The following PLCB1 variants were observed in gnomAD, a reference collection of about 807,000 sequenced individuals.
The protein encoded by PLCB1 is phospholipase C beta 1.
In PLCB1, 46 loss-of-function variants were observed where a neutral mutation model predicts 161.8. That is an observed-to-expected ratio of 0.28 (90% confidence interval 0.22 to 0.36). The LOEUF is 0.36. Ranked by LOEUF, PLCB1 falls within the 10% of genes least tolerant of loss-of-function variation. The probability of loss-of-function intolerance (pLI) is 1.00; values close to 1 mark genes in which losing one functional copy is unlikely to be tolerated. For synonymous variants in PLCB1, 517 were observed against 503.7 expected, an observed-to-expected ratio of 1.03 and a Z score of -0.35; for missense variants, 1,016 against 1,472.5, an observed-to-expected ratio of 0.69 and a Z score of 5.07.
chr20:8,720,871 T>G (rs1979591881), intron 14 of PLCB1, among the ~76,000 whole-genome samples: 1 of 149,980 alleles, frequency 6.7e-6, no homozygotes, highest in African/African-American at 2.5e-5. Context: ...AAAAAAAAGG[T>G]AATAAGAACT....
At chr20:8,295,823 C>T (rs1375576279) in intron 2 of PLCB1, among the ~76,000 whole-genome samples, 1 of 152,112 alleles carries the variant, frequency 6.6e-6, no homozygotes, top group Non-Finnish European at 1.5e-5. Flanking sequence ...GATCCTCCCA[C>T]CTCAGCCTCC....
intron 17 of PLCB1, 30 bp from the exon 18 acceptor site, chr20:8,729,020 T>C: frequency 6.9e-7 from 1 of 1,451,010 alleles, no homozygotes; most frequent in South Asian, 1.5e-5. Flanking sequence ...ATTTTTATAA[T>C]TGTATTCACT....
At chr20:8,669,610 C>T (rs1989896338) in intron 9 of PLCB1, among the ~76,000 whole-genome samples, 1 of 152,132 alleles carries the variant, frequency 6.6e-6, no homozygotes, top group Admixed American at 6.5e-5. Flanking sequence ...GAAAAGGCAC[C>T]ATTCTTCACC....
chr20:8,404,204 C>T (rs971557466), intron 3 of PLCB1, among the ~76,000 whole-genome samples: 2 of 152,134 alleles, frequency 1.3e-5, no homozygotes, highest in African/African-American at 4.8e-5. Flanking sequence ...GGAATAAATG[C>T]TCTGTTCTAA....
chr20:8,287,593 C>T (rs1252270684), intron 2 of PLCB1, among the ~76,000 whole-genome samples: 1 of 152,166 alleles, frequency 6.6e-6, no homozygotes, highest in African/African-American at 2.4e-5. Context: ...ATGTTCCCCG[C>T]ATTCATCTTT....
intron 1 of PLCB1, among the ~76,000 whole-genome samples, chr20:8,143,826 G>C (rs8124468): frequency 6.6e-6 from 1 of 152,192 alleles, no homozygotes; most frequent in East Asian, 1.9e-4. Flanking sequence ...GATTTTAGAC[G>C]TATAAAGTCA....
At chr20:8,552,582 G>C (rs1177408958) in intron 3 of PLCB1, among the ~76,000 whole-genome samples, 1 of 152,108 alleles carries the variant, frequency 6.6e-6, no homozygotes, top group African/African-American at 2.4e-5. Flanking sequence ...AGTGTACAAT[G>C]GATTGCACTT....
chr20:8,464,816 G>A (rs1379846948), intron 3 of PLCB1, among the ~76,000 whole-genome samples: 3 of 152,074 alleles, frequency 2.0e-5, no homozygotes, highest in Admixed American at 6.6e-5. Flanking sequence ...TCTACCTGCT[G>A]TTTCTCAAGT....
At chr20:8,416,975 C>T (rs1021545670) in intron 3 of PLCB1, among the ~76,000 whole-genome samples, 5 of 130,352 alleles carry the variant, frequency 3.8e-5, no homozygotes, top group Admixed American at 8.1e-5. Flanking sequence ...CACACAGAGT[C>T]GCTTCAGCTG....
At chr20:8,418,562 C>G (rs1053966284) in intron 3 of PLCB1, among the ~76,000 whole-genome samples, 1 of 151,824 alleles carries the variant, frequency 6.6e-6, no homozygotes, top group African/African-American at 2.4e-5. Context: ...CCTTCTTATT[C>G]TTTATCAAAT....
chr20:8,276,986 C>CTTCTTCTTCTTCTTATTATTA (rs869194352), intron 2 of PLCB1, among the ~76,000 whole-genome samples: 7 of 93,358 alleles, frequency 7.5e-5, no homozygotes, highest in East Asian at 6.9e-4. Context: ...TCTTCTTCTT[C>CTTCTTCTTCTTCTTATTATTA]TTATTATTAT....
At chr20:8,527,757 A>G (rs1984639654) in intron 3 of PLCB1, among the ~76,000 whole-genome samples, 2 of 152,114 alleles carry the variant, frequency 1.3e-5, no homozygotes, top group Admixed American at 6.6e-5. Flanking sequence ...ATCTATGCAC[A>G]TTATTGTAAT....
chr20:8,765,048 A>G, intron 25 of PLCB1, 91 bp from the exon 26 acceptor site: 2 of 981,258 alleles, frequency 2.0e-6, no homozygotes, highest in South Asian at 1.7e-5. Context: ...GGGCAAGATC[A>G]ACCATTTCTT....
intron 2 of PLCB1, among the ~76,000 whole-genome samples, chr20:8,317,769 T>G (rs918135306): frequency 3.9e-5 from 6 of 152,156 alleles, no homozygotes; most frequent in African/African-American, 1.4e-4. Context: ...TTCCAGTTAA[T>G]AAGGTTTTTG....
chr20:8,494,590 G>A (rs1983081731), intron 3 of PLCB1, among the ~76,000 whole-genome samples: 1 of 152,140 alleles, frequency 6.6e-6, no homozygotes, highest in South Asian at 2.1e-4. Context: ...AGAAAAACAG[G>A]CTTTTCTCAT....
chr20:8,352,989 T>A (rs2122266127), intron 2 of PLCB1, among the ~76,000 whole-genome samples: 1 of 152,244 alleles, frequency 6.6e-6, no homozygotes, highest in East Asian at 1.9e-4. Flanking sequence ...CCAAACTGGG[T>A]TCTTGAAGAG....
intron 4 of PLCB1, among the ~76,000 whole-genome samples, chr20:8,643,886 A>G (rs1305214489): frequency 1.3e-5 from 2 of 151,010 alleles, no homozygotes; most frequent in African/African-American, 4.9e-5. Flanking sequence ...GCTCACTGCA[A>G]CCTCCCTGCC....
At chr20:8,139,297 T>C (rs992004480) in intron 1 of PLCB1, among the ~76,000 whole-genome samples, 3 of 152,086 alleles carry the variant, frequency 2.0e-5, no homozygotes, top group Admixed American at 6.5e-5. Context: ...GGTTTTGCCA[T>C]GTTGGCCAGG....
intron 3 of PLCB1, among the ~76,000 whole-genome samples, chr20:8,372,862 A>G (rs1374505569): frequency 1.3e-5 from 2 of 152,194 alleles, no homozygotes; most frequent in Non-Finnish European, 2.9e-5. Flanking sequence ...CAATATCGAT[A>G]TTAGTTTTAA....
Sources: gnomAD v4.1 joint callset for allele counts (sites outside exome capture counted in the v4.1 genomes callset) on GRCh38, gnomAD v4.1.1 for gene constraint, MANE v1.5 for transcripts, NCBI Gene and HGNC (gene_info 2026-07-23, HGNC 2026-07-21) for gene names.